The following TNS1 variants were observed in gnomAD, a reference collection of about 807,000 sequenced individuals.
TNS1 encodes the protein tensin-1.
TNS1 carries 62 observed loss-of-function variants against 168.6 expected under a neutral mutation model. That is an observed-to-expected ratio of 0.37 (90% CI 0.30 to 0.45). The LOEUF is 0.45. TNS1 is among the 20% of genes least tolerant of loss of function. The pLI is 1.00. For synonymous variants in TNS1, 934 were observed against 933.2 expected, an observed-to-expected ratio of 1.00 and a Z score of -0.02; for missense variants, 2,240 against 2,339.4, an observed-to-expected ratio of 0.96 and a Z score of 0.88.
chr2:217,893,387 CATGT>C, intron 10 of TNS1, 48 bp downstream of exon 10: 1 of 1,522,428 alleles, frequency 6.6e-7, no homozygotes, highest in South Asian at 1.3e-5. Flanking sequence ...CACATGTGCG[CATGT>C]GCGCGCGCGC....
chr2:217,860,343 G>A (rs569288904), intron 18 of TNS1, among the ~76,000 whole-genome samples: 173 of 152,274 alleles, frequency 1.1e-3, no homozygotes, highest in African/African-American at 4.0e-3. Flanking sequence ...TCACTGATGA[G>A]ATAAAATGGG....
chr2:217,990,794 A>T, intron 2 of TNS1, 148 bp downstream of exon 2: 1 of 252,864 alleles, frequency 4.0e-6, no homozygotes, highest in Non-Finnish European at 7.6e-6. Context: ...TCATCCAGTG[A>T]GCTCAGCATC....
At chr2:217,898,052 C>T in intron 7 of TNS1, 83 bp from the exon 8 acceptor site, 1 of 1,416,494 alleles carries the variant, frequency 7.1e-7, no homozygotes, top group African/African-American at 1.5e-5. Context: ...CCCATACACA[C>T]CCTGTGTGAC....
At chr2:217,929,119 G>A (rs1379962414) in intron 3 of TNS1, among the ~76,000 whole-genome samples, 4 of 145,162 alleles carry the variant, frequency 2.8e-5, no homozygotes, top group Admixed American at 6.8e-5. Flanking sequence ...CAAGCTGTGG[G>A]ACCATGGGCC....
intron 3 of TNS1, among the ~76,000 whole-genome samples, chr2:217,955,181 G>A (rs985548274): frequency 2.0e-5 from 3 of 152,196 alleles, no homozygotes; most frequent in African/African-American, 7.2e-5. Flanking sequence ...TCCTCAGCAC[G>A]TTCCAGCCTC....
chr2:217,837,241 C>G (rs1294308144), intron 19 of TNS1, among the ~76,000 whole-genome samples: 1 of 152,156 alleles, frequency 6.6e-6, no homozygotes, highest in East Asian at 1.9e-4. Context: ...ACACTGCCAG[C>G]CCCTAGGAAT....
intron 1 of TNS1, among the ~76,000 whole-genome samples, chr2:218,023,999 C>A (rs1308304624): frequency 6.6e-6 from 1 of 152,210 alleles, no homozygotes; most frequent in Non-Finnish European, 1.5e-5. Context: ...GTACCAACCA[C>A]ACTGCCTGCC....
chr2:217,903,942 T>C (rs1683280925), intron 6 of TNS1: 1 of 348,566 alleles, frequency 2.9e-6, no homozygotes, highest in Middle Eastern at 7.4e-4. Flanking sequence ...CTGCTTTCCT[T>C]TGAGGTCCAC....
chr2:217,999,156 G>T (rs142461252), intron 1 of TNS1, among the ~76,000 whole-genome samples: 2 of 152,110 alleles, frequency 1.3e-5, no homozygotes, highest in Non-Finnish European at 1.5e-5. Context: ...TGATTCCCAC[G>T]GACCCCACAT....
At chr2:217,839,437 C>T (rs895138496) in intron 19 of TNS1, among the ~76,000 whole-genome samples, 2 of 152,096 alleles carry the variant, frequency 1.3e-5, no homozygotes, top group African/African-American at 4.8e-5. Context: ...CCAGAGCAGC[C>T]CCCTTCCCAG....
At chr2:217,879,310 T>C (rs942723301) in intron 18 of TNS1, 4 of 363,972 alleles carry the variant, frequency 1.1e-5, no homozygotes, top group African/African-American at 4.4e-5. Context: ...AATTGCCAAA[T>C]GTTCTTGTTA....
At chr2:217,877,472 T>C (rs926543509) in intron 18 of TNS1, among the ~76,000 whole-genome samples, 3 of 152,242 alleles carry the variant, frequency 2.0e-5, no homozygotes, top group Admixed American at 2.0e-4. Context: ...TGGTACAGGC[T>C]GAGCTGAGCT....
At chr2:217,962,004 C>T (rs574547848) in intron 3 of TNS1, among the ~76,000 whole-genome samples, 2 of 152,320 alleles carry the variant, frequency 1.3e-5, no homozygotes, top group East Asian at 1.9e-4. Flanking sequence ...GAATCTGCAA[C>T]ATCAACTGCT....
intron 1 of TNS1, among the ~76,000 whole-genome samples, chr2:218,019,489 A>T (rs1958788550): frequency 6.6e-6 from 1 of 152,160 alleles, no homozygotes; most frequent in Non-Finnish European, 1.5e-5. Context: ...TCTCCCTGGA[A>T]AAAACCCCTC....
upstream of TNS1, among the ~76,000 whole-genome samples, chr2:218,012,281 T>G (rs1420221500): frequency 6.6e-6 from 1 of 152,198 alleles, no homozygotes; most frequent in Non-Finnish European, 1.5e-5. Flanking sequence ...TCAGACAATA[T>G]TGGCTAAAGT....
intron 24 of TNS1, among the ~76,000 whole-genome samples, chr2:217,815,536 C>T (rs926774664): frequency 8.5e-5 from 13 of 152,328 alleles, no homozygotes; most frequent in East Asian, 7.7e-4. Flanking sequence ...AAGGGACCTT[C>T]GGCCTCCTCA....
intron 3 of TNS1, among the ~76,000 whole-genome samples, chr2:217,921,587 G>C (rs1429098218): frequency 6.6e-6 from 1 of 152,180 alleles, no homozygotes; most frequent in Non-Finnish European, 1.5e-5. Flanking sequence ...GAGGTGGCTG[G>C]GAGTTGGCAT....
chr2:217,846,570 T>C (rs1946673957), intron 19 of TNS1, among the ~76,000 whole-genome samples: 1 of 152,146 alleles, frequency 6.6e-6, no homozygotes, highest in Non-Finnish European at 1.5e-5. Flanking sequence ...AAATCCACAG[T>C]CTCTGGTCCA....
chr2:218,009,301 T>G (rs547423043), intron 1 of TNS1, among the ~76,000 whole-genome samples: 1 of 152,142 alleles, frequency 6.6e-6, no homozygotes, highest in South Asian at 2.1e-4. Context: ...GAATTTAAAG[T>G]TACACACAGT....
Sources: gnomAD v4.1 joint callset for allele counts (sites outside exome capture counted in the v4.1 genomes callset) on GRCh38, gnomAD v4.1.1 for gene constraint, MANE v1.5 for transcripts, NCBI Gene and HGNC (gene_info 2026-07-23, HGNC 2026-07-21) for gene names.